Variants in VPS35 observed in about 807,000 individuals in gnomAD.
VPS35 encodes VPS35 retromer complex component, also known as vacuolar protein sorting-associated protein 35.
In VPS35, 21 loss-of-function variants were observed where a neutral mutation model predicts 98.1. The observed-to-expected ratio is 0.21, with a 90% CI of 0.15 to 0.31. The LOEUF (loss-of-function observed/expected upper bound fraction) is 0.31, where lower values mean the gene tolerates loss of function less well. VPS35 is among the 10% of genes least tolerant of loss of function. The pLI, the probability that VPS35 is intolerant of heterozygous loss-of-function variation, is 1.00. For missense variants in VPS35, 554 were observed against 950.8 expected (o/e 0.58, Z 5.49); for synonymous variants, 268 against 318.2 (o/e 0.84, Z 1.68).
intron 10 of VPS35, 71 bp from the exon 11 acceptor site, chr16:46,672,543 A>T (rs560831455): frequency 1.4e-6 from 2 of 1,401,216 alleles, no homozygotes; most frequent in Non-Finnish European, 2.0e-6. Flanking sequence ...CATTTGTTCC[A>T]TAAGAATTTG....
In VPS35 at chr16:46,677,375, C is replaced by T. The variant is rs1966167736; in HGVS notation, c.744G>A (p.Glu248=). The change falls in exon 7 of 17, where the codon GAG becomes GAA. Residue 248 remains glutamate, a synonymous_variant. Coordinates refer to ENST00000299138, the MANE Select transcript of VPS35 (RefSeq NM_018206.6). ...YKQIVLTGIL[E]QVVNCRDALA... ...AAGCATCCCTACAGTTTACAACTTG[C>T]TCCAATATGCCAGTCAAAACAATCT... 2 of 1,613,968 alleles carry T rather than the reference C, an allele frequency of 1.2e-6. No individual in the cohort carries two copies. The highest frequency in any genetic ancestry group is 1.7e-6 in the Non-Finnish European group (2 of 1,179,890).
At position 46,670,034 on chromosome 16, in the gene VPS35, G is replaced by C. The variant is rs141305199; in HGVS notation, c.1525-982C>G. 3.7e-3 allele frequency among the ~76,000 whole-genome samples: 566 copies of C among 152,250 alleles called. 3 individuals carry two copies. The highest frequency in any genetic ancestry group is 6.8e-3 in the Non-Finnish European group (460 of 68,020). Reference sequence around the variant, plus strand: ...AAGAGCTACTTGTGAAATATTCCATGAATTCTGTGTTTTTCTTGGATTTTT... The same window carrying C: ...AAGAGCTACTTGTGAAATATTCCATCAATTCTGTGTTTTTCTTGGATTTTT... On this transcript the variant is annotated intron_variant, in intron 12 of 16. Transcript: ENST00000299138.
intron 10 of VPS35, among the ~76,000 whole-genome samples, chr16:46,672,933 A>T (rs1252169143): frequency 1.3e-5 from 2 of 152,238 alleles, no homozygotes; most frequent in Non-Finnish European, 2.9e-5. Flanking sequence ...GATGTTGGTG[A>T]TTAAGGAAAA....
At chr16:46,663,444 C>T (rs921315796) in intron 13 of VPS35, among the ~76,000 whole-genome samples, 4 of 151,868 alleles carry the variant, frequency 2.6e-5, no homozygotes, top group Non-Finnish European at 5.9e-5. Context: ...TGCAGTGGCA[C>T]AATCTTGGCT....
At chr16:46,671,234 G>A (rs1242303351) in intron 12 of VPS35, among the ~76,000 whole-genome samples, 1 of 151,824 alleles carries the variant, frequency 6.6e-6, no homozygotes, top group Admixed American at 6.6e-5. Flanking sequence ...TGCAAATTTG[G>A]AAAAGTAAAA....
chr16:46,657,055 C>T lies in VPS35; in HGVS notation c.*3417G>A, dbSNP rs1433608146. 2 of 152,140 alleles carry T rather than the reference C, an allele frequency of 1.3e-5. No homozygotes were observed. Among genetic ancestry groups the T allele is most frequent in the Non-Finnish European group, 2.9e-5 (2 of 68,050 alleles). 9.4% of individuals were successfully genotyped at this position (152,140 alleles called of 1,614,324 possible). A position where few individuals can be genotyped will look rare whatever the true frequency, so the allele number is the denominator to read the frequency against. On this transcript the variant is annotated 3_prime_UTR_variant, in exon 17 of 17. Transcript: ENST00000299138. ...CTCCAGAGATTTTGGAAGCATGGACCATTTTGTTGGACAATGCAGGGTGCC... is the reference window on the plus strand; with the variant it reads ...CTCCAGAGATTTTGGAAGCATGGACTATTTTGTTGGACAATGCAGGGTGCC...
intron 13 of VPS35, among the ~76,000 whole-genome samples, chr16:46,667,656 T>G (rs565616299): frequency 6.6e-6 from 1 of 152,338 alleles, no homozygotes; most frequent in Non-Finnish European, 1.5e-5. Context: ...AGGAGCTTTA[T>G]GGTTTCAGGT....
At chr16:46,663,997 C>T (rs1459663976) in intron 13 of VPS35, among the ~76,000 whole-genome samples, 1 of 150,354 alleles carries the variant, frequency 6.7e-6, no homozygotes, top group East Asian at 1.9e-4. Flanking sequence ...AGGCATGAGC[C>T]ATCACACCTG....
intron 5 of VPS35, among the ~76,000 whole-genome samples, chr16:46,679,825 T>C (rs931103107): frequency 1.3e-5 from 2 of 152,178 alleles, no homozygotes; most frequent in Non-Finnish European, 2.9e-5. Flanking sequence ...TCAATTTCTC[T>C]ACATTGTTAA....
At chr16:46,668,296 GA>G (rs1481602168) in intron 13 of VPS35, among the ~76,000 whole-genome samples, 1 of 152,164 alleles carries the variant, frequency 6.6e-6, no homozygotes, top group Non-Finnish European at 1.5e-5. Flanking sequence ...TTAGGAGGCT[GA>G]CACACAAGAA....
intron 3 of VPS35, 110 bp from the exon 4 acceptor site, chr16:46,681,610 C>T: frequency 7.6e-7 from 1 of 1,319,232 alleles, no homozygotes; most frequent in Non-Finnish European, 1.1e-6. Flanking sequence ...AGTTTTAGTC[C>T]TTTAAGAAAG....
In VPS35 at chr16:46,662,329, G is replaced by A; in HGVS notation, c.1981C>T (p.Leu661=). The change falls in exon 15 of 17, where the codon CTA becomes TTA. Residue 661 remains leucine (L), a synonymous_variant. Coordinates refer to ENST00000299138, the MANE Select transcript of VPS35 (RefSeq NM_018206.6). Reference sequence around the variant, plus strand: ...GCTCGGCCCTGATCAGGTTTCTTTAGAAGTTTGGATGCAGCAAGGGCACAC... The same window carrying A: ...GCTCGGCCCTGATCAGGTTTCTTTAAAAGTTTGGATGCAGCAAGGGCACAC... ...TQCALAASKL[L]KKPDQGRAVS... 6.2e-7 allele frequency: 1 copy of A among 1,614,172 alleles called. No homozygotes were observed. Among genetic ancestry groups the A allele is most frequent in the Non-Finnish European group, 8.5e-7 (1 of 1,180,040 alleles).
At chr16:46,660,761 G>C in intron 16 of VPS35, 110 bp from the exon 17 acceptor site, 1 of 599,154 alleles carries the variant, frequency 1.7e-6, no homozygotes, top group East Asian at 6.1e-5. Flanking sequence ...AATTACCTGA[G>C]TAATTATGAA....
intron 10 of VPS35, 151 bp downstream of exon 10, chr16:46,674,163 A>G (rs1966107178): frequency 2.4e-6 from 2 of 846,664 alleles, no homozygotes; most frequent in Non-Finnish European, 3.7e-6. Flanking sequence ...ATTGGTCACT[A>G]CTTTCTGCCC....
chr16:46,671,947 T>C, intron 11 of VPS35, 87 bp from the exon 12 acceptor site: 1 of 1,538,026 alleles, frequency 6.5e-7, no homozygotes, highest in Non-Finnish European at 8.9e-7. Context: ...GTTATAAAAT[T>C]ACAATACAGT....
At chr16:46,679,922 T>C in intron 5 of VPS35, among the ~76,000 whole-genome samples, 1 of 151,714 alleles carries the variant, frequency 6.6e-6, no homozygotes, top group South Asian at 2.1e-4. Flanking sequence ...TTAAAAACCT[T>C]AGAAATAAAT....
At position 46,678,418 on chromosome 16, in the gene VPS35, G is replaced by T. The variant is rs141466684; in HGVS notation, c.720+525C>A. 6.5e-3 allele frequency among the ~76,000 whole-genome samples: 980 copies of T among 151,694 alleles called. 22 individuals carry two copies. Among genetic ancestry groups the T allele is most frequent in the Non-Finnish European group, 6.1e-3 (414 of 67,948 alleles). ...CCTGGGCTGCAGGTTGGACAAGCTT[G>T]TTGTACAGCACATGTCTTACAAAGC... is the stretch of plus-strand genomic sequence containing the variant. On this transcript the variant is annotated intron_variant, in intron 6 of 16. Coordinates refer to ENST00000299138, the MANE Select transcript of VPS35 (RefSeq NM_018206.6).
In VPS35 at chr16:46,674,448, C is replaced by A. The variant is rs1482638445; in HGVS notation, c.1026G>T (p.Met342Ile). ...VATVIQSRQD[M>I]PSEDVVSLQV... ...GTAAAGATACAACATCCTCTGAAGG[C>A]ATGTCTTGTCTAGACTGGAATGTTT... Residue 342 changes from methionine (M) to isoleucine (I), a missense_variant, in exon 10 of 17, where the codon ATG becomes ATT. By Grantham distance (10) the Met-to-Ile change is conservative (BLOSUM62 1). Coordinates refer to ENST00000299138, the MANE Select transcript of VPS35 (RefSeq NM_018206.6). 8 of 1,612,786 alleles carry A rather than the reference C, an allele frequency of 5.0e-6. No homozygotes were observed. The highest frequency in any genetic ancestry group is 1.1e-5 in the South Asian group (1 of 90,948).
chr16:46,660,704 A>G, intron 16 of VPS35, 53 bp from the exon 17 acceptor site: 1 of 1,523,928 alleles, frequency 6.6e-7, no homozygotes, highest in Non-Finnish European at 9.0e-7. Context: ...CAAAAAATGA[A>G]AGGCAATTTA....
Sources: allele counts gnomAD v4.1 joint callset (sites outside exome capture counted in the v4.1 genomes callset), GRCh38; gene constraint gnomAD v4.1.1; transcripts MANE v1.5; gene names NCBI Gene and HGNC (gene_info 2026-07-23, HGNC 2026-07-21).